PEAK1: variants seen among roughly 807,000 people sequenced by gnomAD.
The protein encoded by PEAK1 is pseudopodium enriched atypical kinase 1.
PEAK1 carries 54 observed loss-of-function variants against 124.7 expected under a neutral mutation model. The observed-to-expected ratio is 0.43, with a 90% CI of 0.35 to 0.54. PEAK1 has a LOEUF of 0.54. Ranked by LOEUF, PEAK1 falls within the 20% of genes least tolerant of loss-of-function variation. PEAK1 has a pLI of 0.01. For missense variants in PEAK1, 2,046 were observed against 2,134.5 expected, an observed-to-expected ratio of 0.96 and a Z score of 0.82; for synonymous variants, 719 against 760.0, an observed-to-expected ratio of 0.95 and a Z score of 0.89.
chr15:77,237,552 GTTTC>G (rs1333765263), intron 6 of PEAK1, among the ~76,000 whole-genome samples: 1 of 150,094 alleles, frequency 6.7e-6, no homozygotes, highest in Non-Finnish European at 1.5e-5. Context: ...TTTTGTGACT[GTTTC>G]TTGTATACTG....
chr15:77,392,486 G>C (rs1169153379), intron 1 of PEAK1, among the ~76,000 whole-genome samples: 1 of 152,194 alleles, frequency 6.6e-6, no homozygotes, highest in Non-Finnish European at 1.5e-5. Context: ...AATCTCTGCA[G>C]CCTTAACTGC....
At chr15:77,263,763 G>A (rs1426178572) in intron 5 of PEAK1, among the ~76,000 whole-genome samples, 1 of 152,142 alleles carries the variant, frequency 6.6e-6, no homozygotes, top group Non-Finnish European at 1.5e-5. Context: ...TATGAGGCCA[G>A]CATCATCCTG....
Position 77,225,946 on chromosome 15 carries a change from G to T in PEAK1, c.-115+26421C>A, listed in dbSNP as rs1335824063. ...TTCATGTAAATGAAATGTTTATGCTGAGCATTACGCTCTAAGTATTTAATC... is the reference window on the plus strand; with the variant it reads ...TTCATGTAAATGAAATGTTTATGCTTAGCATTACGCTCTAAGTATTTAATC... On this transcript the variant is annotated intron_variant, in intron 6 of 9. Coordinates refer to ENST00000682557, the MANE Select transcript of PEAK1 (RefSeq NM_001385026.1). 8.3e-5 allele frequency among the ~76,000 whole-genome samples: 12 copies of T among 144,350 alleles called. No individual in the cohort carries two copies. In the Middle Eastern group the frequency reaches 0.011, roughly 133 times the overall value. 94.7% of individuals were successfully genotyped at this position (144,350 alleles called of 152,430 possible).
chr15:77,272,480 C>T (rs1297515254), intron 5 of PEAK1, among the ~76,000 whole-genome samples: 3 of 152,070 alleles, frequency 2.0e-5, no homozygotes, highest in African/African-American at 7.2e-5. Flanking sequence ...CTACTATGAA[C>T]ACCTCTATGC....
At chr15:77,349,365 A>T (rs926340291) in intron 2 of PEAK1, 2 of 983,682 alleles carry the variant, frequency 2.0e-6, no homozygotes. Flanking sequence ...TTTTAAAGTC[A>T]CACTACAAAG....
intron 6 of PEAK1, among the ~76,000 whole-genome samples, chr15:77,240,920 G>C (rs1007342628): frequency 1.3e-5 from 2 of 152,106 alleles, no homozygotes; most frequent in Non-Finnish European, 2.9e-5. Context: ...TATTCCAGAA[G>C]AGGAAGATAT....
intron 6 of PEAK1, among the ~76,000 whole-genome samples, chr15:77,244,354 A>C (rs1358356979): frequency 6.6e-6 from 1 of 152,200 alleles, no homozygotes; most frequent in East Asian, 1.9e-4. Context: ...TCAAATTAAC[A>C]ACAATTTCTC....
At chr15:77,364,270 A>G (rs2068081931) in intron 2 of PEAK1, among the ~76,000 whole-genome samples, 1 of 152,186 alleles carries the variant, frequency 6.6e-6, no homozygotes, top group Non-Finnish European at 1.5e-5. Context: ...AAATATAATA[A>G]AAACTATTGA....
At chr15:77,352,319 G>C in intron 2 of PEAK1, 1 of 985,310 alleles carries the variant, frequency 1.0e-6, no homozygotes, top group Non-Finnish European at 1.2e-6. Flanking sequence ...AAATCGAAGT[G>C]CCTTACTCGA....
chr15:77,210,775 G>A (rs1052990192), intron 6 of PEAK1, among the ~76,000 whole-genome samples: 5 of 152,154 alleles, frequency 3.3e-5, no homozygotes, highest in African/African-American at 1.2e-4. Flanking sequence ...AGCTACTCAG[G>A]AGGCTGAGGC....
intron 6 of PEAK1, among the ~76,000 whole-genome samples, chr15:77,241,177 A>C (rs1437030703): frequency 6.6e-6 from 1 of 152,150 alleles, no homozygotes; most frequent in African/African-American, 2.4e-5. Context: ...GAAAGTCCAA[A>C]ATTTTTTTTA....
chr15:77,418,000 T>C, intron 1 of PEAK1: 3 of 971,852 alleles, frequency 3.1e-6, no homozygotes, highest in Non-Finnish European at 3.7e-6. Flanking sequence ...GTATAATGCA[T>C]TCCAGGAACA....
At chr15:77,130,381 A>G (rs1170289298) in intron 9 of PEAK1, among the ~76,000 whole-genome samples, 1 of 152,218 alleles carries the variant, frequency 6.6e-6, no homozygotes, top group African/African-American at 2.4e-5. Flanking sequence ...TATTAACTTG[A>G]ATCCAGATCC....
intron 2 of PEAK1, among the ~76,000 whole-genome samples, chr15:77,314,902 T>G (rs1354544024): frequency 1.3e-5 from 2 of 151,724 alleles, no homozygotes; most frequent in Non-Finnish European, 2.9e-5. Context: ...ACTGGGGAGG[T>G]AGGGTGTGGA....
intron 2 of PEAK1, chr15:77,337,986 C>T: frequency 1.0e-6 from 1 of 984,222 alleles, no homozygotes; most frequent in African/African-American, 1.7e-5. Flanking sequence ...CTTTCTGGAA[C>T]CTATAATAAA....
chr15:77,346,901 C>T, intron 2 of PEAK1: 1 of 352,012 alleles, frequency 2.8e-6, no homozygotes, highest in Non-Finnish European at 4.0e-6. Flanking sequence ...TAACAGCTAC[C>T]AATTAGTGAT....
chr15:77,349,815 C>G (rs1597393776), intron 2 of PEAK1: 1 of 985,286 alleles, frequency 1.0e-6, no homozygotes. Flanking sequence ...GCTGAGGGGA[C>G]AGCCAGGCTG....
chr15:77,171,322 A>C (rs1404830692), intron 7 of PEAK1, among the ~76,000 whole-genome samples: 3 of 152,312 alleles, frequency 2.0e-5, no homozygotes, highest in African/African-American at 7.2e-5. Flanking sequence ...GGAACTGAGA[A>C]CATCTGAAAA....
intron 2 of PEAK1, among the ~76,000 whole-genome samples, chr15:77,316,105 T>C (rs1244602399): frequency 1.3e-5 from 2 of 152,188 alleles, no homozygotes; most frequent in Admixed American, 6.5e-5. Flanking sequence ...AAAAAGCCTG[T>C]TTAAAAATTC....
Sources: allele counts gnomAD v4.1 joint callset (sites outside exome capture counted in the v4.1 genomes callset), GRCh38; gene constraint gnomAD v4.1.1; transcripts MANE v1.5; gene names NCBI Gene and HGNC (gene_info 2026-07-23, HGNC 2026-07-21).